Variants in DMC1 observed in about 807,000 individuals in gnomAD.
DMC1 encodes the protein DNA meiotic recombinase 1.
A neutral mutation model predicts 50.1 loss-of-function variants in DMC1; 27 were observed. The ratio of observed to expected loss-of-function variants is 0.54; its 90% CI spans 0.40 to 0.74. The LOEUF is 0.74. DMC1 is among the 30% of genes least tolerant of loss of function. The probability of loss-of-function intolerance (pLI) is 0.00; values close to 1 mark genes in which losing one functional copy is unlikely to be tolerated. For synonymous variants in DMC1, 148 were observed against 136.1 expected, an observed-to-expected ratio of 1.09 and a Z score of -0.61; for missense variants, 295 against 420.2, an observed-to-expected ratio of 0.70 and a Z score of 2.60.
rs77881807 is a variant in DMC1 at position 38,543,237 on chromosome 22, T to G, written c.495-3825A>C. On this transcript the variant is annotated intron_variant, in intron 8 of 13. Coordinates refer to ENST00000216024, the MANE Select transcript of DMC1 (RefSeq NM_007068.4). ...GGTTTTAGCCTGTAAATTGTTTTTT[T>G]TTTTTTTTTTGAGACGGAGTCTCGC... Among the ~76,000 whole-genome samples the G allele has an allele frequency of 1.8e-4, 27 of 151,726 alleles. 1 individual carries two copies. In the East Asian group the frequency reaches 5.2e-3, roughly 29 times the overall value.
chr22:38,528,726 C>T (rs1393994099), intron 12 of DMC1, among the ~76,000 whole-genome samples: 1 of 152,080 alleles, frequency 6.6e-6, no homozygotes, highest in East Asian at 1.9e-4. Context: ...GCCAAGGCTG[C>T]AGTGAGCTAA....
intron 4 of DMC1, among the ~76,000 whole-genome samples, chr22:38,563,766 C>A (rs1224390639): frequency 2.0e-5 from 3 of 151,566 alleles, no homozygotes. Flanking sequence ...GTGGCGCGAT[C>A]TCAGCTCACT....
At chr22:38,509,662 C>T in the DMC1 span, among the ~76,000 whole-genome samples, 2 of 151,620 alleles carry the variant, frequency 1.3e-5, no homozygotes, top group East Asian at 3.9e-4. Flanking sequence ...GCCTATGTAG[C>T]TTTTTTTGTT....
At chr22:38,509,938 A>T in the DMC1 span, among the ~76,000 whole-genome samples, 6 of 152,170 alleles carry the variant, frequency 3.9e-5, no homozygotes, top group Admixed American at 3.9e-4. Context: ...AAGTGCTAGG[A>T]TTACATGGCC....
intron 8 of DMC1, among the ~76,000 whole-genome samples, chr22:38,546,414 C>G (rs1182550027): frequency 6.6e-6 from 1 of 151,844 alleles, no homozygotes; most frequent in Non-Finnish European, 1.5e-5. Context: ...CCAAATTGCC[C>G]AAACAGTGGC....
intron 12 of DMC1, among the ~76,000 whole-genome samples, chr22:38,528,094 CT>C (rs1273400567): frequency 1.1e-4 from 16 of 149,226 alleles, no homozygotes; most frequent in Non-Finnish European, 2.1e-4. Context: ...CAGAATCTCA[CT>C]CTGTCACCCA....
the DMC1 span, among the ~76,000 whole-genome samples, chr22:38,511,844 C>T: frequency 0.88 from 134,675 of 152,200 alleles, 60,592 homozygotes; most frequent in Non-Finnish European, 0.96. Flanking sequence ...TATTTTCCTA[C>T]CTCTTTTGTG....
chr22:38,520,164 T>C, intron 13 of DMC1, 75 bp from the exon 14 acceptor site: 1 of 1,237,140 alleles, frequency 8.1e-7, no homozygotes, highest in Non-Finnish European at 1.2e-6. Context: ...TCACAGGCAT[T>C]ATGTGCCCAT....
intron 12 of DMC1, among the ~76,000 whole-genome samples, chr22:38,523,776 A>G (rs1254198442): frequency 6.6e-6 from 1 of 152,156 alleles, no homozygotes; most frequent in Non-Finnish European, 1.5e-5. Flanking sequence ...TCAGAAAAAA[A>G]AAAATAGTTT....
chr22:38,534,352 A>G (rs1334602264), intron 12 of DMC1, among the ~76,000 whole-genome samples: 1 of 152,204 alleles, frequency 6.6e-6, no homozygotes, highest in Non-Finnish European at 1.5e-5. Context: ...AAGTGTCATG[A>G]TGTCTGTGAA....
At chr22:38,534,735 G>A (rs1449192549) in intron 12 of DMC1, among the ~76,000 whole-genome samples, 1 of 147,106 alleles carries the variant, frequency 6.8e-6, no homozygotes, top group Admixed American at 6.8e-5. Flanking sequence ...AGTGCGGTGG[G>A]TCATGCCTGT....
rs772798650 is a variant in DMC1, at chr22:38,521,608, C to T, written c.953G>A (p.Ser318Asn). ...GELRIAKIYD[S>N]PEMPENEATF... ...ACACACAAAATAAAAAAAAATTTAC[C>T]TGTCATAAATCTTGGCAATTCTGAG... Residue 318 changes from serine to asparagine, a missense_variant and splice_region_variant, in exon 13 of 14, where the codon AGT becomes AAT. Coordinates refer to ENST00000216024, the MANE Select transcript of DMC1 (RefSeq NM_007068.4). The T allele has an allele frequency of 6.3e-7, 1 of 1,579,302 alleles. No homozygotes were observed. Among genetic ancestry groups the T allele is most frequent in the South Asian group, 1.1e-5 (1 of 90,378 alleles).
chr22:38,563,372 G>A (rs1007319891), intron 4 of DMC1, among the ~76,000 whole-genome samples: 3 of 152,178 alleles, frequency 2.0e-5, no homozygotes, highest in African/African-American at 7.2e-5. Context: ...CTTGGAGAAT[G>A]GGGACAGCCA....
chr22:38,522,214 G>A (rs1029203527), intron 12 of DMC1, among the ~76,000 whole-genome samples: 20 of 149,590 alleles, frequency 1.3e-4, no homozygotes, highest in African/African-American at 4.9e-4. Flanking sequence ...GCCTCCCAAA[G>A]TGCTGGGGTT....
chr22:38,526,744 T>C (rs989696232), intron 12 of DMC1, among the ~76,000 whole-genome samples: 1 of 152,192 alleles, frequency 6.6e-6, no homozygotes, highest in Non-Finnish European at 1.5e-5. Context: ...CAATTTTTTT[T>C]CCCTTTGCTT....
chr22:38,568,171 G>A lies in DMC1; in HGVS notation c.51+35C>T, dbSNP rs372896679. The A allele has an allele frequency of 1.1e-5, 18 of 1,594,468 alleles. No individual in the cohort carries two copies. In the East Asian group the frequency reaches 2.7e-4, roughly 24 times the overall value. Reference sequence around the variant, plus strand: ...GGAACTTGATTTTTGCGGAATGATCGAATGTCTATATATCTTTCAACATTT... The same window carrying A: ...GGAACTTGATTTTTGCGGAATGATCAAATGTCTATATATCTTTCAACATTT... On this transcript the variant is annotated intron_variant, in intron 2 of 13. Coordinates refer to ENST00000216024, the MANE Select transcript of DMC1 (RefSeq NM_007068.4).
intron 5 of DMC1, among the ~76,000 whole-genome samples, chr22:38,556,930 G>T (rs941564295): frequency 6.6e-6 from 1 of 152,184 alleles, no homozygotes; most frequent in East Asian, 1.9e-4. Context: ...TCTAGATAGT[G>T]TACCTGCACA....
At chr22:38,523,495 C>T (rs1242178829) in intron 12 of DMC1, among the ~76,000 whole-genome samples, 1 of 152,182 alleles carries the variant, frequency 6.6e-6, no homozygotes, top group Non-Finnish European at 1.5e-5. Context: ...CTGTAATGTA[C>T]TTTTCATGTT....
intron 8 of DMC1, 188 bp downstream of exon 8, chr22:38,549,737 G>A: frequency 1.7e-6 from 1 of 580,694 alleles, no homozygotes; most frequent in Non-Finnish European, 3.1e-6. Flanking sequence ...AAACCCATAT[G>A]AAGAAGTGAA....
Sources: allele counts gnomAD v4.1 joint callset (sites outside exome capture counted in the v4.1 genomes callset), GRCh38; gene constraint gnomAD v4.1.1; transcripts MANE v1.5; gene names NCBI Gene and HGNC (gene_info 2026-07-23, HGNC 2026-07-21).